The following PKD1 variants were observed in gnomAD, a reference collection of about 807,000 sequenced individuals.
The protein encoded by PKD1 is polycystin 1, transient receptor potential channel interacting, also known as polycystin-1.
A neutral mutation model predicts 361.7 loss-of-function variants in PKD1; 81 were observed. The observed-to-expected ratio is 0.22, with a 90% CI of 0.19 to 0.27. The LOEUF is 0.27. PKD1 is among the 10% of genes least tolerant of loss of function. PKD1 has a pLI of 1.00. For synonymous variants in PKD1, 3,615 were observed against 2,818.3 expected (o/e 1.28, Z -8.95); for missense variants, 6,399 against 6,118.3 (o/e 1.05, Z -1.53).
In PKD1 at chr16:2,091,807, C is replaced by T. The variant is rs1239878162; in HGVS notation, c.11511G>A (p.Leu3837=). Residue 3837 remains leucine, a synonymous_variant, in exon 41 of 46, where the codon CTG becomes CTA. Coordinates refer to ENST00000262304, the MANE Select transcript of PKD1 (RefSeq NM_001009944.3). ...TGTTGTCCAGCCAGTTGTGCAGCTG[C>T]AGGAAGCGCAGCCGGTCGCGGCTCT... The part of the protein sequence containing the change: ...LEESRDRLRF[L]QLHNWLDNRS... The T allele has an allele frequency of 6.2e-7, 1 of 1,610,822 alleles. No homozygotes were observed. The highest frequency in any genetic ancestry group is 8.5e-7 in the Non-Finnish European group (1 of 1,179,442).
At chr16:2,107,707 T>G (rs2151782297) in intron 16 of PKD1, 176 bp downstream of exon 16, 5 of 671,746 alleles carry the variant, frequency 7.4e-6, no homozygotes, top group Middle Eastern at 3.9e-4. Context: ...CGTGGAACTG[T>G]GGCAGGTTTG....
At chr16:2,114,051 G>A (rs1026065205) in intron 11 of PKD1, 119 bp downstream of exon 11, 22 of 882,330 alleles carry the variant, frequency 2.5e-5, no homozygotes, top group Admixed American at 6.4e-5. Context: ...GCCCGGGGCC[G>A]ACGTCCCCAG....
At chr16:2,101,890 G>A in intron 26 of PKD1, 171 bp downstream of exon 26, 1 of 643,286 alleles carries the variant, frequency 1.6e-6, no homozygotes, top group Non-Finnish European at 2.8e-6. Context: ...CTAGTCCTCA[G>A]GGACAGTGAG....
chr16:2,131,304 G>A (rs28758633), intron 1 of PKD1, among the ~76,000 whole-genome samples: 4,244 of 152,164 alleles, frequency 0.028, 213 homozygotes, highest in African/African-American at 0.097. Context: ...GAGGTCAGGA[G>A]ATCCAGACCA....
At chr16:2,098,197 G>T (rs549468999) in intron 30 of PKD1, 2 of 597,500 alleles carry the variant, frequency 3.3e-6, no homozygotes, top group Non-Finnish European at 6.0e-6. Context: ...TGCAGCTAAG[G>T]AACAGAGTTT....
At chr16:2,121,087 C>G (rs866627553) in intron 1 of PKD1, among the ~76,000 whole-genome samples, 1 of 151,716 alleles carries the variant, frequency 6.6e-6, no homozygotes, top group East Asian at 1.9e-4. Flanking sequence ...GGGAAAGAGC[C>G]GGGTGCAATG....
At chr16:2,107,734 A>T (rs1434911161) in intron 16 of PKD1, 149 bp downstream of exon 16, 4 of 754,312 alleles carry the variant, frequency 5.3e-6, no homozygotes, top group Non-Finnish European at 6.7e-6. Context: ...AGCAAAGCTG[A>T]AGCAGGCTGT....
chr16:2,128,749 G>A (rs998678931), intron 1 of PKD1, among the ~76,000 whole-genome samples: 1 of 152,136 alleles, frequency 6.6e-6, no homozygotes, highest in Non-Finnish European at 1.5e-5. Context: ...CTGTCTCCCA[G>A]GCTGGAGTGC....
At chr16:2,135,220 G>C (rs1396621448) in intron 1 of PKD1, 1 of 984,230 alleles carries the variant, frequency 1.0e-6, no homozygotes, top group Admixed American at 6.1e-5. Context: ...CGCGGCCTCC[G>C]CGCCCCGCCC....
Position 2,091,073 on chromosome 16 carries a change from C to T in PKD1, c.11814G>A (p.Arg3938=). Residue 3938 remains arginine, a synonymous_variant, in exon 43 of 46, where the codon CGG becomes CGA. Coordinates refer to ENST00000262304, the MANE Select transcript of PKD1 (RefSeq NM_001009944.3). ...WRVLRLGAWA[R]WLLVALTAAT... is the part of the protein sequence containing the mutation. The stretch of plus-strand genomic sequence containing the variant: ...CCGCCGTCAGCGCCACCAGCAGCCA[C>T]CGCGCCCAGGCTCCGAGCCGCAGCA... The T allele has an allele frequency of 1.3e-6, 2 of 1,514,814 alleles. No homozygotes were observed. Among genetic ancestry groups the T allele is most frequent in the Non-Finnish European group, 1.8e-6 (2 of 1,137,084 alleles). The allele number at this position is 1,514,814 out of a possible 1,614,324, so 93.8% of individuals were successfully genotyped here.
At chr16:2,096,155 C>A (rs551238753) in intron 34 of PKD1, among the ~76,000 whole-genome samples, 1 of 152,244 alleles carries the variant, frequency 6.6e-6, no homozygotes, top group South Asian at 2.1e-4. Flanking sequence ...CTGAGAAATG[C>A]GTCATTAGGT....
chr16:2,114,536 A>T lies in PKD1; in HGVS notation c.2487T>A (p.Pro829=). The T allele has an allele frequency of 6.3e-7, 1 of 1,594,244 alleles. No homozygotes were observed. Among genetic ancestry groups the T allele is most frequent in the Non-Finnish European group, 8.5e-7 (1 of 1,178,908 alleles). ...CGTAGAGGCGGCCGTCGCGGGGGGC[A>T]GGGTAGATGACCCGCAGCCCAGCCA... The part of the protein sequence containing the change: ...SPVAGLRVIY[P]APRDGRLYVP... Residue 829 remains proline (P), a synonymous_variant, in exon 11 of 46, where the codon CCT becomes CCA. Transcript: ENST00000262304.
Position 2,106,641 on chromosome 16 carries a change from C to G in PKD1, c.7246G>C (p.Val2416Leu), listed in dbSNP as rs754985089. 1.3e-6 allele frequency: 2 copies of G among 1,598,432 alleles called. No homozygotes were observed. Among genetic ancestry groups the G allele is most frequent in the African/African-American group, 1.3e-5 (1 of 74,936 alleles). Residue 2416 changes from valine (V) to leucine (L), a missense_variant, in exon 18 of 46, where the codon GTG becomes CTG. By Grantham distance (32) the Val-to-Leu change is conservative. Transcript: ENST00000262304. This position sits in a 1 kb window ranked among gnomAD's most constrained non-coding sequence, Gnocchi z 6.5. ...AARTFSNKTL[V>L]LDETTTSTGS... ...GTGGATGTGGTGGTCTCATCCAGCA[C>G]CAGCGTCTTGTTGCTGAACGTACGT...
In PKD1 at chr16:2,108,772, A is replaced by C. The variant is rs150154235; in HGVS notation, c.6395T>G (p.Phe2132Cys). The change falls in exon 15 of 46, where the codon TTC becomes TGC. Residue 2132 changes from phenylalanine to cysteine, a missense_variant. Phe to Cys is a radical substitution (Grantham distance 205). Coordinates refer to ENST00000262304, the MANE Select transcript of PKD1 (RefSeq NM_001009944.3). ...VQVNASNLVS[F>C]FVAQATVTVQ... ...GGTCACCGTGGCCTGCGCCACGAAGAAGCTCACCAGGTTGGAGGCGTTCAC... is the reference window on the plus strand; with the variant it reads ...GGTCACCGTGGCCTGCGCCACGAAGCAGCTCACCAGGTTGGAGGCGTTCAC... 3.1e-4 allele frequency: 490 copies of C among 1,572,480 alleles called. No individual in the cohort carries two copies. The highest frequency in any genetic ancestry group is 1.2e-3 in the East Asian group (49 of 42,388).
In PKD1 at chr16:2,114,346, G is replaced by C. The variant is rs777759149; in HGVS notation, c.2677C>G (p.Leu893Val). 4.3e-6 allele frequency: 7 copies of C among 1,610,322 alleles called. No individual in the cohort carries two copies. Among genetic ancestry groups the C allele is most frequent in the Non-Finnish European group, 5.9e-6 (7 of 1,179,580 alleles). ...PGCPWETNDT[L>V]FSVVALPWLS... ...CACGGCAGTGCTACCACTGAGAACA[G>C]GGTATCGTTGGTCTCCCAGGGGCAG... Residue 893 changes from leucine to valine, a missense_variant, in exon 11 of 46, where the codon CTG becomes GTG. By Grantham distance (32) the Leu-to-Val change is conservative. Coordinates refer to ENST00000262304, the MANE Select transcript of PKD1 (RefSeq NM_001009944.3).
rs1365138940 is a variant in PKD1 at position 2,113,195 on chromosome 16, A to G, written c.2951T>C (p.Val984Ala). ...SLTFQNVVFNVIYQSAAVFKL... is the reference protein window; with the variant it reads ...SLTFQNVVFNAIYQSAAVFKL... ...GAAGACCGCCGCGCTCTGATAAATG[A>G]CATTGAAGACCACGTTCTGGAAGGT... The change falls in exon 12 of 46, where the codon GTC becomes GCC. Residue 984 changes from valine (V) to alanine (A), a missense_variant. Transcript: ENST00000262304. The G allele has an allele frequency of 1.6e-6, 2 of 1,284,620 alleles. No individual in the cohort carries two copies. Among genetic ancestry groups the G allele is most frequent in the Non-Finnish European group, 2.2e-6 (2 of 897,288 alleles). The allele number at this position is 1,284,620 out of a possible 1,614,324, so 79.6% of individuals were successfully genotyped here.
chr16:2,094,330 A>C, intron 34 of PKD1, 120 bp from the exon 35 acceptor site: 1 of 719,344 alleles, frequency 1.4e-6, no homozygotes, highest in East Asian at 2.7e-5. Flanking sequence ...CCCCCCGACA[A>C]AAAGCCGGAA....
intron 1 of PKD1, among the ~76,000 whole-genome samples, chr16:2,125,650 C>T (rs1473795111): frequency 1.3e-5 from 2 of 148,768 alleles, no homozygotes; most frequent in Non-Finnish European, 3.0e-5. Flanking sequence ...CAAAAAGGGC[C>T]GTCTGGAGAC....
chr16:2,092,479 C>G lies in PKD1; in HGVS notation c.11269+1G>C. 1 of 1,596,340 alleles carries G rather than the reference C, an allele frequency of 6.3e-7. No individual in the cohort carries two copies. Among genetic ancestry groups the G allele is most frequent in the Non-Finnish European group, 8.6e-7 (1 of 1,165,914 alleles). On this transcript the variant is annotated splice_donor_variant, in intron 39 of 45. Coordinates refer to ENST00000262304, the MANE Select transcript of PKD1 (RefSeq NM_001009944.3). LOFTEE classifies it high-confidence loss of function. ...TCTTGGGGCACGCCCTGCCAGCTCA[C>G]CTTCCTGCAGCCGCACCTGCCGCAG...
Sources: allele counts gnomAD v4.1 joint callset (sites outside exome capture counted in the v4.1 genomes callset), GRCh38; gene constraint gnomAD v4.1.1; non-coding constraint Gnocchi (gnomAD v3.1); transcripts MANE v1.5; gene names NCBI Gene and HGNC (gene_info 2026-07-23, HGNC 2026-07-21).